The following ATP10B variants were observed in gnomAD, a reference collection of about 807,000 sequenced individuals.
ATP10B encodes phospholipid-transporting ATPase VB.
A neutral mutation model predicts 141.2 loss-of-function variants in ATP10B; 122 were observed. That is an observed-to-expected ratio of 0.86 (90% CI 0.75 to 1.00). The LOEUF is 1.00. Among genes scored for constraint, ATP10B ranks in the 50% least tolerant of loss-of-function variants. The probability of loss-of-function intolerance (pLI) is 0.00; values close to 1 mark genes in which losing one functional copy is unlikely to be tolerated. For synonymous variants in ATP10B, 685 were observed against 692.0 expected, an observed-to-expected ratio of 0.99 and a Z score of 0.16; for missense variants, 1,876 against 1,825.3, an observed-to-expected ratio of 1.03 and a Z score of -0.51.
At chr5:160,771,077 A>G (rs1769867210) in intron 2 of ATP10B, among the ~76,000 whole-genome samples, 1 of 152,212 alleles carries the variant, frequency 6.6e-6, no homozygotes, top group African/African-American at 2.4e-5. Context: ...TCAGTTATAA[A>G]GTCACACACC....
intron 4 of ATP10B, among the ~76,000 whole-genome samples, chr5:160,688,343 T>C (rs1399676343): frequency 1.3e-5 from 2 of 152,220 alleles, no homozygotes. Context: ...AGAATCCCTA[T>C]GTTCTAGGGT....
At chr5:160,722,618 A>G (rs1311815696) in intron 2 of ATP10B, among the ~76,000 whole-genome samples, 1 of 152,192 alleles carries the variant, frequency 6.6e-6, no homozygotes, top group Admixed American at 6.5e-5. Flanking sequence ...GCCATACCAA[A>G]TGGAGCAAAT....
At position 160,565,473 on chromosome 5, in the gene ATP10B, G is replaced by A. The variant is rs751987872; in HGVS notation, c.4366C>T (p.Gln1456Ter). ...GCTCCTCATATGGTCAGTGAACTCT[G>A]GGATCGGCGATGGCTGCTCCTCTTT... Reference protein sequence around the residue: ...CSKRSSHRRSQSSLTI With the variant: ...CSKRSSHRRS The change falls in exon 26 of 26, where the codon CAG becomes TAG. Residue 1456 changes from glutamine (Q) to a stop codon, truncating the protein, a stop_gained. Coordinates refer to ENST00000327245, the MANE Select transcript of ATP10B (RefSeq NM_025153.3). LOFTEE classifies it high-confidence loss of function. The A allele has an allele frequency of 8.1e-6, 13 of 1,614,046 alleles. No homozygotes were observed. The highest frequency in any genetic ancestry group is 1.1e-5 in the Non-Finnish European group (13 of 1,179,944).
intron 1 of ATP10B, among the ~76,000 whole-genome samples, chr5:160,834,768 C>T (rs1363370921): frequency 6.6e-6 from 1 of 152,060 alleles, no homozygotes; most frequent in Admixed American, 6.6e-5. Context: ...GTTTCTTCCC[C>T]ACAGATTTCT....
intron 1 of ATP10B, among the ~76,000 whole-genome samples, chr5:160,828,120 T>C (rs543489145): frequency 6.6e-6 from 1 of 152,264 alleles, no homozygotes; most frequent in African/African-American, 2.4e-5. Context: ...GAAGAAAACC[T>C]AGGCATTACC....
intron 2 of ATP10B, among the ~76,000 whole-genome samples, chr5:160,753,512 G>A (rs1215709152): frequency 1.3e-5 from 2 of 152,128 alleles, no homozygotes; most frequent in South Asian, 2.1e-4. Flanking sequence ...GCTTTGCTGA[G>A]CAACACACAT....
At chr5:160,916,748 C>G in the ATP10B span, among the ~76,000 whole-genome samples, 1 of 152,212 alleles carries the variant, frequency 6.6e-6, no homozygotes, top group East Asian at 1.9e-4. Flanking sequence ...CATGACATTT[C>G]TGTTACCCTC....
rs1403459564 is a variant in ATP10B, at chr5:160,840,171, CTGTTAATTA to C, written c.-576+11761_-576+11769del. Among the ~76,000 whole-genome samples, 3 of 152,026 alleles carry C rather than the reference CTGTTAATTA, an allele frequency of 2.0e-5. No homozygotes were observed. The East Asian group carries it at 5.8e-4, about 29-fold the overall frequency. ...ATCTCATTTTTCATTATTTTAATAT[CTGTTAATTA>C]TGTTAATTTATAGATTCACCCAAGA... On this transcript the variant is annotated intron_variant, in intron 1 of 25. Transcript: ENST00000327245.
chr5:160,719,396 T>A (rs1402327074), intron 2 of ATP10B, among the ~76,000 whole-genome samples: 1 of 152,164 alleles, frequency 6.6e-6, no homozygotes, highest in East Asian at 1.9e-4. Flanking sequence ...GGAGACTCCG[T>A]CTCAAAAAAA....
chr5:160,862,605 C>T, the ATP10B span, among the ~76,000 whole-genome samples: 1 of 151,892 alleles, frequency 6.6e-6, no homozygotes, highest in East Asian at 1.9e-4. Context: ...ACCTAATTGG[C>T]TTAACATAAT....
At chr5:160,676,895 T>G (rs185357699) in intron 6 of ATP10B, among the ~76,000 whole-genome samples, 2 of 152,326 alleles carry the variant, frequency 1.3e-5, no homozygotes, top group African/African-American at 4.8e-5. Context: ...GTTATCTAAC[T>G]TGCATAAGGT....
At chr5:160,706,237 C>A (rs1375829457) in intron 3 of ATP10B, among the ~76,000 whole-genome samples, 2 of 152,116 alleles carry the variant, frequency 1.3e-5, no homozygotes, top group African/African-American at 4.8e-5. Flanking sequence ...AGACACAAAA[C>A]CAGCACATGC....
chr5:160,717,277 A>C (rs1765718540), intron 2 of ATP10B, among the ~76,000 whole-genome samples: 1 of 152,234 alleles, frequency 6.6e-6, no homozygotes, highest in Non-Finnish European at 1.5e-5. Flanking sequence ...CTATATCTCT[A>C]AATTTTTTCA....
At chr5:160,628,595 G>T (rs1758737428) in intron 13 of ATP10B, among the ~76,000 whole-genome samples, 1 of 152,098 alleles carries the variant, frequency 6.6e-6, no homozygotes, top group African/African-American at 2.4e-5. Flanking sequence ...CAGAAGGGTG[G>T]GGTGGCGGGG....
intron 2 of ATP10B, among the ~76,000 whole-genome samples, chr5:160,766,377 CACACACAG>C (rs1318399252): frequency 8.1e-6 from 1 of 122,946 alleles, no homozygotes; most frequent in South Asian, 2.5e-4. Context: ...CACACACACA[CACACACAG>C]ACACTCACCA....
chr5:160,737,593 C>T (rs1051739446), intron 2 of ATP10B, among the ~76,000 whole-genome samples: 1 of 152,030 alleles, frequency 6.6e-6, no homozygotes, highest in African/African-American at 2.4e-5. Flanking sequence ...AGTAGCATTT[C>T]TATATGACAA....
intron 2 of ATP10B, among the ~76,000 whole-genome samples, chr5:160,753,057 A>G (rs1768270400): frequency 6.6e-6 from 1 of 152,240 alleles, no homozygotes; most frequent in South Asian, 2.1e-4. Flanking sequence ...TTCATATAAC[A>G]GCCAATTAAA....
At chr5:160,902,613 A>G in the ATP10B span, among the ~76,000 whole-genome samples, 1 of 152,208 alleles carries the variant, frequency 6.6e-6, no homozygotes, top group Non-Finnish European at 1.5e-5. Flanking sequence ...ACAGAGGAAA[A>G]AGGAATAATG....
chr5:160,876,947 A>T, the ATP10B span, among the ~76,000 whole-genome samples: 1 of 142,730 alleles, frequency 7.0e-6, no homozygotes, highest in African/African-American at 2.5e-5. Context: ...GCCGAATTCT[A>T]CCAGAGGTAC....
Sources: gnomAD v4.1 joint callset for allele counts (sites outside exome capture counted in the v4.1 genomes callset) on GRCh38, gnomAD v4.1.1 for gene constraint, MANE v1.5 for transcripts, NCBI Gene and HGNC (gene_info 2026-07-23, HGNC 2026-07-21) for gene names.